Variants in MMS22L observed in about 807,000 individuals in gnomAD.
The protein encoded by MMS22L is protein MMS22-like.
A neutral mutation model predicts 159.1 loss-of-function variants in MMS22L; 74 were observed. The ratio of observed to expected loss-of-function variants is 0.47; its 90% CI spans 0.39 to 0.56. The LOEUF is 0.56. Among genes scored for constraint, MMS22L ranks in the 20% least tolerant of loss-of-function variants. The probability of loss-of-function intolerance (pLI) is 0.00; values close to 1 mark genes in which losing one functional copy is unlikely to be tolerated. For synonymous variants in MMS22L, 517 were observed against 506.9 expected, an observed-to-expected ratio of 1.02 and a Z score of -0.27; for missense variants, 1,351 against 1,422.1, an observed-to-expected ratio of 0.95 and a Z score of 0.80.
intron 11 of MMS22L, among the ~76,000 whole-genome samples, chr6:97,241,228 G>C (rs886445668): frequency 6.6e-6 from 1 of 152,122 alleles, no homozygotes; most frequent in Admixed American, 6.5e-5. Context: ...TATTGGGCTG[G>C]TTCCATATTT....
chr6:97,255,699 A>G (rs931091954), intron 9 of MMS22L, among the ~76,000 whole-genome samples: 6 of 151,998 alleles, frequency 3.9e-5, no homozygotes, highest in African/African-American at 1.4e-4. Flanking sequence ...ATATTTTCTA[A>G]TTTCCATCAT....
At chr6:97,258,867 T>C (rs1243738693) in intron 9 of MMS22L, 1 of 152,070 alleles carries the variant, frequency 6.6e-6, no homozygotes, top group Non-Finnish European at 1.5e-5. Flanking sequence ...CCTCAAAGAG[T>C]GTTATTCATT....
Position 97,275,379 on chromosome 6 carries a change from T to C in MMS22L, c.341-2317A>G, listed in dbSNP as rs1021081151. On this transcript the variant is annotated intron_variant, in intron 4 of 24. Transcript: ENST00000683635. ...CTGTCTCTACTAAAAATACAAAAAT[T>C]AGCTAGGCATGGTGGCGTGTGCCTG... Among the ~76,000 whole-genome samples the C allele has an allele frequency of 4.6e-5, 7 of 152,016 alleles. 1 individual carries two copies. Among genetic ancestry groups the C allele is most frequent in the Admixed American group, 4.6e-4 (7 of 15,264 alleles).
intron 14 of MMS22L, among the ~76,000 whole-genome samples, chr6:97,200,638 C>A (rs1057483430): frequency 1.3e-5 from 2 of 151,886 alleles, no homozygotes; most frequent in African/African-American, 4.8e-5. Context: ...CATGCATATG[C>A]TGGGATAAGA....
intron 24 of MMS22L, 29 bp downstream of exon 24, chr6:97,149,824 C>T (rs770478490): frequency 6.5e-7 from 1 of 1,547,478 alleles, no homozygotes; most frequent in Non-Finnish European, 8.7e-7. Context: ...TCACTGCCCC[C>T]CCCAATGTAA....
At chr6:97,197,361 TAA>T (rs562283077) in intron 14 of MMS22L, among the ~76,000 whole-genome samples, 98 of 152,174 alleles carry the variant, frequency 6.4e-4, no homozygotes, top group Non-Finnish European at 1.3e-3. Context: ...TGAACGAAAG[TAA>T]AAGAGGGGGA....
At chr6:97,224,532 CTCAAA>C (rs927855359) in intron 14 of MMS22L, among the ~76,000 whole-genome samples, 2 of 150,922 alleles carry the variant, frequency 1.3e-5, no homozygotes, top group East Asian at 1.9e-4. Context: ...CTCCACACCT[CTCAAA>C]TCATTTTTTC....
At chr6:97,266,235 C>T (rs1396560464) in intron 8 of MMS22L, 1 of 152,166 alleles carries the variant, frequency 6.6e-6, no homozygotes, top group African/African-American at 2.4e-5. Context: ...TAAATTGGTA[C>T]AGCCATCATG....
chr6:97,247,199 A>G (rs935769567), intron 10 of MMS22L, among the ~76,000 whole-genome samples: 2 of 152,206 alleles, frequency 1.3e-5, no homozygotes, highest in East Asian at 1.9e-4. Flanking sequence ...AATGATTTCC[A>G]TAAGGAAGAA....
At chr6:97,268,480 GT>G (rs1266537873) in intron 7 of MMS22L, among the ~76,000 whole-genome samples, 11 of 151,918 alleles carry the variant, frequency 7.2e-5, no homozygotes, top group South Asian at 4.2e-4. Flanking sequence ...GAGCCACCAC[GT>G]CCAGCCCAAA....
At chr6:97,214,657 T>C (rs1477026687) in intron 14 of MMS22L, among the ~76,000 whole-genome samples, 1 of 150,552 alleles carries the variant, frequency 6.6e-6, no homozygotes, top group Non-Finnish European at 1.5e-5. Context: ...AAAGAGATCT[T>C]ATATCATAAG....
At chr6:97,276,807 T>C (rs1406106367) in intron 4 of MMS22L, among the ~76,000 whole-genome samples, 4 of 152,240 alleles carry the variant, frequency 2.6e-5, no homozygotes, top group Non-Finnish European at 5.9e-5. Context: ...ACAAAGCCCT[T>C]GGCTTCCACA....
chr6:97,173,765 A>G (rs776035283), intron 18 of MMS22L, among the ~76,000 whole-genome samples: 18 of 152,300 alleles, frequency 1.2e-4, no homozygotes, highest in Non-Finnish European at 2.1e-4. Context: ...AAGGATGGGC[A>G]GAGAAGGTAG....
intron 10 of MMS22L, among the ~76,000 whole-genome samples, chr6:97,252,048 A>C (rs1813293261): frequency 1.3e-5 from 2 of 151,362 alleles, no homozygotes; most frequent in African/African-American, 4.9e-5. Context: ...GCGCCACTGC[A>C]CTCCAGCCTG....
chr6:97,207,140 T>C (rs1807873727), intron 14 of MMS22L, among the ~76,000 whole-genome samples: 1 of 152,208 alleles, frequency 6.6e-6, no homozygotes, highest in Admixed American at 6.5e-5. Context: ...AACTTTGTGG[T>C]AAACTCTTTC....
intron 19 of MMS22L, among the ~76,000 whole-genome samples, chr6:97,171,838 T>G (rs756971456): frequency 3.9e-5 from 6 of 152,212 alleles, no homozygotes; most frequent in Non-Finnish European, 8.8e-5. Flanking sequence ...AGTTTATACT[T>G]TGCTCTTTCT....
intron 14 of MMS22L, among the ~76,000 whole-genome samples, chr6:97,197,338 G>C (rs1379868880): frequency 6.6e-6 from 1 of 152,146 alleles, no homozygotes; most frequent in Non-Finnish European, 1.5e-5. Context: ...GCAAGTGTGT[G>C]GGTACAACGT....
chr6:97,228,548 A>T (rs943937015), intron 14 of MMS22L, among the ~76,000 whole-genome samples: 3 of 152,226 alleles, frequency 2.0e-5, no homozygotes, highest in African/African-American at 7.2e-5. Flanking sequence ...ATAAAATTAC[A>T]TTCAGCCTGT....
chr6:97,279,987 T>C (rs1420401756), intron 3 of MMS22L, among the ~76,000 whole-genome samples: 1 of 152,216 alleles, frequency 6.6e-6, no homozygotes, highest in Non-Finnish European at 1.5e-5. Flanking sequence ...TCCTAGTTGA[T>C]TTCAAAGTCT....
Sources: gnomAD v4.1 joint callset for allele counts (sites outside exome capture counted in the v4.1 genomes callset) on GRCh38, gnomAD v4.1.1 for gene constraint, MANE v1.5 for transcripts, NCBI Gene and HGNC (gene_info 2026-07-23, HGNC 2026-07-21) for gene names.